The following SGCZ variants were observed in gnomAD, a reference collection of about 807,000 sequenced individuals.
SGCZ encodes the protein zeta-sarcoglycan.
SGCZ carries 40 observed loss-of-function variants against 41.3 expected under a neutral mutation model. The observed-to-expected ratio is 0.97, with a 90% CI of 0.75 to 1.26. The LOEUF (loss-of-function observed/expected upper bound fraction) is 1.26. Among genes scored for constraint, SGCZ ranks in the 50% most tolerant of loss-of-function variants. The pLI is 0.00. For missense variants in SGCZ, 552 were observed against 369.8 expected, an observed-to-expected ratio of 1.49 and a Z score of -4.04; for synonymous variants, 206 against 137.5, an observed-to-expected ratio of 1.50 and a Z score of -3.49.
intron 1 of SGCZ, among the ~76,000 whole-genome samples, chr8:14,739,417 T>G (rs2130272928): frequency 6.6e-6 from 1 of 152,174 alleles, no homozygotes; most frequent in African/African-American, 2.4e-5. Flanking sequence ...TTCATATGAT[T>G]TAAAAGCACT....
At position 14,146,638 on chromosome 8, in the gene SGCZ, C is replaced by T. The variant is rs548751568; in HGVS notation, c.547+17942G>A. ...AAATAATAACTACACTTTGGGAGGC[C>T]GAGGCGGGCGGATCACGAGGTCAGG... On this transcript the variant is annotated intron_variant, in intron 5 of 7. Transcript: ENST00000382080. 9.2e-5 allele frequency among the ~76,000 whole-genome samples: 14 copies of T among 151,892 alleles called. No individual in the cohort carries two copies. In the East Asian group the frequency reaches 2.5e-3, roughly 27 times the overall value.
intron 1 of SGCZ, among the ~76,000 whole-genome samples, chr8:14,900,643 A>T (rs918487116): frequency 3.3e-5 from 5 of 152,206 alleles, no homozygotes; most frequent in Non-Finnish European, 5.9e-5. Context: ...TTATAGACTG[A>T]ATACCAGGTT....
intron 2 of SGCZ, among the ~76,000 whole-genome samples, chr8:14,519,508 G>T (rs540695216): frequency 6.6e-6 from 1 of 151,944 alleles, no homozygotes; most frequent in Non-Finnish European, 1.5e-5. Flanking sequence ...ACATTGCAAC[G>T]TTCATGTTAA....
intron 1 of SGCZ, among the ~76,000 whole-genome samples, chr8:15,171,562 G>C (rs1000662372): frequency 6.6e-6 from 1 of 152,046 alleles, no homozygotes; most frequent in Non-Finnish European, 1.5e-5. Context: ...GATCCAACTG[G>C]GTATTATGTA....
In SGCZ at chr8:14,234,969, A is replaced by T. The variant is rs76817582; in HGVS notation, c.424+2623T>A. ...AGCATCATGAGATTTCTCCCATAAT[A>T]TCACTGTATTTGTAACTTAAGTGAT... On this transcript the variant is annotated intron_variant, in intron 4 of 7. Coordinates refer to ENST00000382080, the MANE Select transcript of SGCZ (RefSeq NM_139167.4). Among the ~76,000 whole-genome samples the T allele has an allele frequency of 2.2e-3, 341 of 152,286 alleles. 1 individual carries two copies. The highest frequency in any genetic ancestry group is 6.8e-3 in the African/African-American group (281 of 41,562).
rs560755358 is a variant in SGCZ, at chr8:15,050,443, T to G, written c.39+187142A>C. On this transcript the variant is annotated intron_variant, in intron 1 of 7. Transcript: ENST00000382080. ...ACACTGAAACTGAGAAGTATTGAGC[T>G]TAGGCATAGGATCTATTGGTACATG... Among the ~76,000 whole-genome samples the G allele has an allele frequency of 2.6e-5, 4 of 152,226 alleles. No individual in the cohort carries two copies. The South Asian group carries it at 8.3e-4, about 32-fold the overall frequency.
At chr8:14,152,303 T>C (rs955090793) in intron 5 of SGCZ, among the ~76,000 whole-genome samples, 4 of 152,156 alleles carry the variant, frequency 2.6e-5, no homozygotes, top group African/African-American at 7.2e-5. Context: ...CTAAACTGAA[T>C]ATATGGCTGG....
intron 1 of SGCZ, among the ~76,000 whole-genome samples, chr8:14,635,046 A>ATATTGAAAT (rs1806783661): frequency 6.8e-6 from 1 of 148,082 alleles, no homozygotes; most frequent in South Asian, 2.1e-4. Flanking sequence ...ATGTTGATTT[A>ATATTGAAAT]TATTGAAATA....
At chr8:14,525,068 GATAGATAGATAGACAC>G (rs1179896345) in intron 2 of SGCZ, among the ~76,000 whole-genome samples, 169 of 151,572 alleles carry the variant, frequency 1.1e-3, no homozygotes, top group South Asian at 6.9e-3. Flanking sequence ...TGATGATGAT[GATAGATAGATAGACAC>G]ATAGATAGAT....
chr8:14,228,793 G>C lies in SGCZ; in HGVS notation c.424+8799C>G, dbSNP rs370097414. Among the ~76,000 whole-genome samples, 72 of 152,072 alleles carry C rather than the reference G, an allele frequency of 4.7e-4. No individual in the cohort carries two copies. The East Asian group carries it at 7.7e-3, about 16-fold the overall frequency. ...AATTACTTTAACAACTAAAGTTACT[G>C]TTACCAAAGGCCATATATTCAAATA... is the stretch of plus-strand genomic sequence containing the variant. On this transcript the variant is annotated intron_variant, in intron 4 of 7. Coordinates refer to ENST00000382080, the MANE Select transcript of SGCZ (RefSeq NM_139167.4).
In SGCZ at chr8:14,344,847, T is replaced by A. The variant is rs893085360; in HGVS notation, c.235-20643A>T. Among the ~76,000 whole-genome samples the A allele has an allele frequency of 4.6e-5, 7 of 151,682 alleles. No individual in the cohort carries two copies. In the East Asian group the frequency reaches 7.7e-4, roughly 17 times the overall value. ...AATTACTAAAACTACAATTTTTTTT[T>A]AATAATCTCAAGTTTAGGAGAGAAC... is the stretch of plus-strand genomic sequence containing the variant. On this transcript the variant is annotated intron_variant, in intron 2 of 7. Transcript: ENST00000382080.
intron 1 of SGCZ, among the ~76,000 whole-genome samples, chr8:15,162,561 C>G (rs767482789): frequency 6.6e-6 from 1 of 152,182 alleles, no homozygotes; most frequent in Non-Finnish European, 1.5e-5. Flanking sequence ...AGAACTGCCC[C>G]TTCTCCAGCT....
At chr8:14,425,829 T>C (rs1347535356) in intron 2 of SGCZ, among the ~76,000 whole-genome samples, 4 of 151,842 alleles carry the variant, frequency 2.6e-5, no homozygotes, top group African/African-American at 9.7e-5. Context: ...CAGTATTAAA[T>C]AAAGAGTAAG....
intron 1 of SGCZ, among the ~76,000 whole-genome samples, chr8:14,613,107 G>A (rs1156590069): frequency 6.6e-6 from 1 of 152,196 alleles, no homozygotes; most frequent in South Asian, 2.1e-4. Context: ...CATGCACCCT[G>A]CCTGGCACTC....
chr8:15,171,042 T>C (rs936536485), intron 1 of SGCZ, among the ~76,000 whole-genome samples: 5 of 152,206 alleles, frequency 3.3e-5, no homozygotes, highest in Non-Finnish European at 5.9e-5. Context: ...CTATCTGCAA[T>C]ATAAATAATG....
In SGCZ at chr8:14,087,340, AAAAG is replaced by A. The variant is rs1801549822; in HGVS notation, c.*3099_*3102del. ...GAAGTATTTAATTGAAATCTTCTGAAAAAGAAAAGAATAATGTGTCCTCTTTGCA... is the reference window on the plus strand; with the variant it reads ...GAAGTATTTAATTGAAATCTTCTGAAAAAAGAATAATGTGTCCTCTTTGCA... On this transcript the variant is annotated 3_prime_UTR_variant, in exon 8 of 8. Coordinates refer to ENST00000382080, the MANE Select transcript of SGCZ (RefSeq NM_139167.4). Among the ~76,000 whole-genome samples, 1 of 151,616 alleles carries A rather than the reference AAAAG, an allele frequency of 6.6e-6. No individual in the cohort carries two copies. The highest frequency in any genetic ancestry group is 2.1e-4 in the South Asian group (1 of 4,832).
intron 1 of SGCZ, among the ~76,000 whole-genome samples, chr8:14,926,283 C>A (rs989266761): frequency 6.6e-6 from 1 of 151,928 alleles, no homozygotes; most frequent in Non-Finnish European, 1.5e-5. Context: ...AAAAGATCAT[C>A]GAAAAAATAT....
At chr8:14,834,417 A>C (rs12677960) in intron 1 of SGCZ, among the ~76,000 whole-genome samples, 18,594 of 152,076 alleles carry the variant, frequency 0.12, 1,960 homozygotes, top group African/African-American at 0.28. Context: ...AGCCAAACAA[A>C]GGTTTATTTT....
intron 1 of SGCZ, among the ~76,000 whole-genome samples, chr8:15,124,858 G>C (rs1331941180): frequency 6.6e-6 from 1 of 152,044 alleles, no homozygotes; most frequent in Non-Finnish European, 1.5e-5. Flanking sequence ...GGAAGGATAT[G>C]TATTTACATG....
Sources: allele counts gnomAD v4.1 joint callset (sites outside exome capture counted in the v4.1 genomes callset), GRCh38; gene constraint gnomAD v4.1.1; transcripts MANE v1.5; gene names NCBI Gene and HGNC (gene_info 2026-07-23, HGNC 2026-07-21).